The following ANK3 variants were observed in gnomAD, a reference collection of about 807,000 sequenced individuals.
The protein encoded by ANK3 is ankyrin 3.
Under a neutral mutation model 370.9 loss-of-function variants are expected in ANK3, and 57 were observed. The observed-to-expected ratio is 0.15, with a 90% CI of 0.12 to 0.19. The LOEUF (loss-of-function observed/expected upper bound fraction) is 0.19, where lower values mean the gene tolerates loss of function less well. ANK3 is among the 10% of genes least tolerant of loss of function. The probability of loss-of-function intolerance (pLI) is 1.00; values close to 1 mark genes in which losing one functional copy is unlikely to be tolerated. For missense variants in ANK3, 4,439 were observed against 5,302.1 expected, an observed-to-expected ratio of 0.84 and a Z score of 5.06; for synonymous variants, 1,929 against 1,946.3, an observed-to-expected ratio of 0.99 and a Z score of 0.23.
chr10:60,438,125 C>A (rs1423317516), intron 2 of ANK3, among the ~76,000 whole-genome samples: 1 of 152,102 alleles, frequency 6.6e-6, no homozygotes, highest in Non-Finnish European at 1.5e-5. Flanking sequence ...TTTCTACTCT[C>A]CAATTCCTAA....
intron 7 of ANK3, among the ~76,000 whole-genome samples, chr10:60,246,362 G>A (rs1394566530): frequency 1.3e-5 from 2 of 148,944 alleles, no homozygotes; most frequent in African/African-American, 4.9e-5. Context: ...AATGAAATAG[G>A]TCTTTTTAGA....
chr10:60,100,728 G>A (rs114853797), intron 28 of ANK3, among the ~76,000 whole-genome samples: 2,368 of 152,218 alleles, frequency 0.016, 68 homozygotes, highest in African/African-American at 0.055. Context: ...CCAAGACAGC[G>A]ATTGGGATTT....
chr10:60,216,404 T>C (rs1287381566), intron 8 of ANK3, among the ~76,000 whole-genome samples: 3 of 152,192 alleles, frequency 2.0e-5, no homozygotes, highest in Non-Finnish European at 4.4e-5. Context: ...TGTGGGTTTG[T>C]CATAAATAGC....
intron 2 of ANK3, among the ~76,000 whole-genome samples, chr10:60,568,190 T>C (rs1388745369): frequency 6.6e-6 from 1 of 152,214 alleles, no homozygotes; most frequent in Non-Finnish European, 1.5e-5. Context: ...CAGCATTACA[T>C]GTTACAGAGA....
chr10:60,663,070 C>T (rs549049688), intron 1 of ANK3, among the ~76,000 whole-genome samples: 38 of 152,246 alleles, frequency 2.5e-4, no homozygotes, highest in South Asian at 1.7e-3. Flanking sequence ...TCCATGAACT[C>T]GCCTCACAAA....
chr10:60,069,837 G>C lies in ANK3; in HGVS notation c.11044C>G (p.Pro3682Ala). ...ERNVETPTVE[P>A]NPSIPTSGEC... is the part of the protein sequence containing the mutation. ...CCGCTGGTCGGGATGCTGGGGTTAG[G>C]TTCCACTGTAGGTGTCTCTACATTT... is the stretch of plus-strand genomic sequence containing the variant. Residue 3682 changes from proline to alanine, a missense_variant, in exon 37 of 44, where the codon CCT (proline) becomes GCT (alanine). Transcript: ENST00000280772. 1 of 1,614,046 alleles carries C rather than the reference G, an allele frequency of 6.2e-7. No individual in the cohort carries two copies. The highest frequency in any genetic ancestry group is 8.5e-7 in the Non-Finnish European group (1 of 1,179,994).
intron 32 of ANK3, 195 bp from the exon 33 acceptor site, chr10:60,083,812 T>C (rs547528997): frequency 7.8e-6 from 4 of 511,264 alleles, no homozygotes; most frequent in African/African-American, 5.9e-5. Flanking sequence ...TTGGAATCCA[T>C]ATCATGGACA....
At chr10:60,290,176 A>G (rs1048066952) in intron 1 of ANK3, among the ~76,000 whole-genome samples, 4 of 152,220 alleles carry the variant, frequency 2.6e-5, no homozygotes, top group Non-Finnish European at 5.9e-5. Flanking sequence ...TGACATTCAT[A>G]CTATAATCTG....
intron 2 of ANK3, among the ~76,000 whole-genome samples, chr10:60,416,725 G>T (rs538762473): frequency 3.3e-5 from 5 of 152,144 alleles, no homozygotes; most frequent in Non-Finnish European, 5.9e-5. Context: ...CATTTCAAAT[G>T]CTCAATAGCA....
At chr10:60,049,070 C>T (rs2077428820) in intron 42 of ANK3, among the ~76,000 whole-genome samples, 1 of 152,168 alleles carries the variant, frequency 6.6e-6, no homozygotes, top group East Asian at 1.9e-4. Context: ...TGCAATTGCC[C>T]CAAAAATCTG....
upstream of ANK3, among the ~76,000 whole-genome samples, chr10:60,391,431 A>C (rs1458823421): frequency 6.6e-6 from 1 of 152,248 alleles, no homozygotes; most frequent in Non-Finnish European, 1.5e-5. Context: ...AGTAAAAATG[A>C]GTGTTTTTCT....
Position 60,196,150 on chromosome 10 carries a change from C to T in ANK3, c.1882G>A (p.Ala628Thr), listed in dbSNP as rs540939855. 32 of 1,613,414 alleles carry T rather than the reference C, an allele frequency of 2.0e-5. No homozygotes were observed. In the Middle Eastern group the frequency reaches 1.8e-3, roughly 92 times the overall value. ...LDQGASPHAAAKNGYTPLHIA... is the reference protein window; with the variant it reads ...LDQGASPHAATKNGYTPLHIA... ...GGCTGTGGAATTATAGGTACCTTTG[C>T]GGCTGCGTGAGGTGAGGCTCCTTGG... The change falls in exon 16 of 44, where the codon GCA becomes ACA. Residue 628 changes from alanine (A) to threonine (T), a missense_variant. Ala to Thr is a moderately conservative substitution (Grantham distance 58). Coordinates refer to ENST00000280772, the MANE Select transcript of ANK3 (RefSeq NM_020987.5).
Position 60,389,776 on chromosome 10 carries a change from T to A in ANK3, c.-238A>T. The A allele has an allele frequency of 7.4e-7, 1 of 1,352,012 alleles. No homozygotes were observed. 83.8% of individuals were successfully genotyped at this position (1,352,012 alleles called of 1,614,324 possible). A position where few individuals can be genotyped will look rare whatever the true frequency, so the allele number is the denominator to read the frequency against. On this transcript the variant is annotated 5_prime_UTR_variant, in exon 1 of 44. Transcript: ENST00000280772. Reference sequence around the variant, plus strand: ...CTCTACCTGAACCTTTACAGGAGAGTGCAGCCATCGTAATGCATTTACCGT... The same window carrying A: ...CTCTACCTGAACCTTTACAGGAGAGAGCAGCCATCGTAATGCATTTACCGT...
At position 60,172,373 on chromosome 10, in the gene ANK3, G is replaced by T. The variant is rs1324042095; in HGVS notation, c.2413C>A (p.Arg805Ser). The change falls in exon 21 of 44, where the codon CGC (arginine) becomes AGC (serine). Residue 805 changes from arginine (R) to serine (S), a missense_variant. Arg to Ser is a moderately radical substitution (Grantham distance 110). Transcript: ENST00000280772. ...NGNTALGIAR[R>S]LGYISVVDTL... Reference sequence around the variant, plus strand: ...TCCACTACTGAGATGTAGCCGAGGCGCCGGGCAATGCCAAGGGCAGTATTC... The same window carrying T: ...TCCACTACTGAGATGTAGCCGAGGCTCCGGGCAATGCCAAGGGCAGTATTC... 2.5e-6 allele frequency: 4 copies of T among 1,613,862 alleles called. No individual in the cohort carries two copies. Among genetic ancestry groups the T allele is most frequent in the Non-Finnish European group, 3.4e-6 (4 of 1,179,916 alleles).
Position 60,474,190 on chromosome 10 carries a change from T to C in ANK3, c.96+140996A>G, listed in dbSNP as rs75688624. Among the ~76,000 whole-genome samples, 115 of 152,272 alleles carry C rather than the reference T, an allele frequency of 7.6e-4. 2 individuals carry two copies. The East Asian group carries it at 0.019, about 26-fold the overall frequency. On this transcript the variant is annotated intron_variant, in intron 2 of 43. Coordinates refer to the ANK3 transcript ENST00000373827. Reference sequence around the variant, plus strand: ...ATTTCCAAAGAAATTTCAAGCTTGCTACAGTTAGTAGCAGATAGAAATCCA... The same window carrying C: ...ATTTCCAAAGAAATTTCAAGCTTGCCACAGTTAGTAGCAGATAGAAATCCA...
At chr10:60,668,050 G>T (rs895475654) in intron 1 of ANK3, among the ~76,000 whole-genome samples, 1 of 151,512 alleles carries the variant, frequency 6.6e-6, no homozygotes, top group Admixed American at 6.6e-5. Context: ...GATGATGCTG[G>T]CTTGCAGAAT....
rs115637385 is a variant in ANK3 at position 60,294,682 on chromosome 10, A to G, written c.115-15043T>C. 5.0e-3 allele frequency among the ~76,000 whole-genome samples: 767 copies of G among 152,316 alleles called. 4 individuals carry two copies. Among genetic ancestry groups the G allele is most frequent in the African/African-American group, 0.017 (707 of 41,570 alleles). ...AAGTTCTTATTTGAATGTATAAAAA[A>G]TATTTTTAAAAACAAGGTTAGCTCA... On this transcript the variant is annotated intron_variant, in intron 1 of 43. Coordinates refer to ENST00000280772, the MANE Select transcript of ANK3 (RefSeq NM_020987.5).
chr10:60,327,622 G>T (rs570346930), intron 1 of ANK3, among the ~76,000 whole-genome samples: 34 of 152,302 alleles, frequency 2.2e-4, no homozygotes, highest in African/African-American at 7.9e-4. Flanking sequence ...TAAAAGAGAG[G>T]CTCAAAGGCT....
chr10:60,346,360 C>T (rs2055488989), intron 1 of ANK3, among the ~76,000 whole-genome samples: 1 of 151,996 alleles, frequency 6.6e-6, no homozygotes, highest in Non-Finnish European at 1.5e-5. Flanking sequence ...GGCTGCTATC[C>T]ATACAGTACA....
Sources: allele counts gnomAD v4.1 joint callset (sites outside exome capture counted in the v4.1 genomes callset), GRCh38; gene constraint gnomAD v4.1.1; transcripts MANE v1.5; gene names NCBI Gene and HGNC (gene_info 2026-07-23, HGNC 2026-07-21).